SAFB: variants seen among roughly 807,000 people sequenced by gnomAD.
The protein encoded by SAFB is scaffold attachment factor B, also known as scaffold attachment factor B1.
SAFB carries 15 observed loss-of-function variants against 101.6 expected under a neutral mutation model. The ratio of observed to expected loss-of-function variants is 0.15; its 90% CI spans 0.10 to 0.23. SAFB has a LOEUF of 0.23. Among genes scored for constraint, SAFB ranks in the 10% least tolerant of loss-of-function variants. SAFB has a pLI of 1.00. For missense variants in SAFB, 930 were observed against 1,104.1 expected (o/e 0.84, Z 2.23); for synonymous variants, 449 against 407.5 (o/e 1.10, Z -1.23).
In SAFB at chr19:5,667,861, A is replaced by G. The variant is rs758005707; in HGVS notation, c.2599A>G (p.Met867Val). The G allele has an allele frequency of 1.2e-5, 20 of 1,610,834 alleles. No homozygotes were observed. In the East Asian group the frequency reaches 1.8e-4, roughly 14 times the overall value. ...GTCCGGTCACTCCGGGCCTGGCCAC[A>G]TGATGAACCGAGGAGGAATGTCAGG... ...SMSGHSGPGH[M>V]MNRGGMSGRG... is the part of the protein sequence containing the mutation. The change falls in exon 20 of 21, where the codon ATG (methionine) becomes GTG (valine). Residue 867 changes from methionine to valine, a missense_variant. By Grantham distance (21) the Met-to-Val change is conservative. Around this residue, in one of 7 missense-constraint regions of SAFB, gnomAD observed 318 missense variants for 342.6 expected, o/e 0.93. Transcript: ENST00000588852. The surrounding 1 kb of genome is among the most constrained non-coding windows in gnomAD (Gnocchi z 4.0).
chr19:5,627,178 T>C (rs2053383721), intron 2 of SAFB, among the ~76,000 whole-genome samples: 1 of 149,392 alleles, frequency 6.7e-6, no homozygotes, highest in Non-Finnish European at 1.5e-5. Flanking sequence ...CCAGTCTCTC[T>C]TAAAAAAAAG....
chr19:5,653,909 A>G, intron 11 of SAFB, 152 bp from the exon 12 acceptor site: 1 of 628,114 alleles, frequency 1.6e-6, no homozygotes, highest in Non-Finnish European at 2.8e-6. Flanking sequence ...AGCCATGCCC[A>G]TTTGTGGTTT....
chr19:5,642,052 G>A (rs1157021835), intron 4 of SAFB, 106 bp downstream of exon 4: 1 of 901,608 alleles, frequency 1.1e-6, no homozygotes, highest in Non-Finnish European at 1.8e-6. Flanking sequence ...TGTAATGCCA[G>A]TTCAGTAGAA....
chr19:5,625,563 TG>T (rs2053339864), intron 1 of SAFB, among the ~76,000 whole-genome samples: 1 of 152,220 alleles, frequency 6.6e-6, no homozygotes, highest in African/African-American at 2.4e-5. Flanking sequence ...CTCATGGGAC[TG>T]GAGAGTAAAG....
At chr19:5,664,940 A>C (rs1373544938) in intron 17 of SAFB, 1 of 158,272 alleles carries the variant, frequency 6.3e-6, no homozygotes, top group African/African-American at 2.4e-5. Context: ...GCACATTAGA[A>C]CAATAAGCTC....
chr19:5,664,356 CTCT>C (rs2054283183), intron 16 of SAFB, 38 bp from the exon 17 acceptor site: 1 of 1,577,370 alleles, frequency 6.3e-7, no homozygotes, highest in Non-Finnish European at 8.7e-7. Flanking sequence ...GTGAACAAGC[CTCT>C]TCTTCCCCTT....
chr19:5,633,410 T>C (rs1245272286), intron 2 of SAFB, among the ~76,000 whole-genome samples: 4 of 152,220 alleles, frequency 2.6e-5, no homozygotes, highest in African/African-American at 7.2e-5. Flanking sequence ...TCTCATCTTA[T>C]GCTTTTCCTG....
rs537589150 is a variant in SAFB, at chr19:5,643,963, T to G, written c.547-1374T>G. Among the ~76,000 whole-genome samples the G allele has an allele frequency of 3.3e-5, 5 of 152,332 alleles. No homozygotes were observed. The South Asian group carries it at 1.0e-3, about 32-fold the overall frequency. ...TCTGCTCCTCACTTGCAAGAGGTTT[T>G]CGGAAGATTCAATGGATGGATGTTT... On this transcript the variant is annotated intron_variant, in intron 4 of 20. Transcript: ENST00000588852.
chr19:5,663,833 G>A (rs1280203071), intron 15 of SAFB, among the ~76,000 whole-genome samples, 189 bp from the exon 16 acceptor site: 2 of 152,144 alleles, frequency 1.3e-5, no homozygotes, highest in Non-Finnish European at 2.9e-5. Flanking sequence ...AGGGGAGGTG[G>A]GTGCATGGGA....
intron 4 of SAFB, among the ~76,000 whole-genome samples, chr19:5,642,768 T>C (rs2053750793): frequency 2.0e-5 from 3 of 146,706 alleles, no homozygotes; most frequent in Admixed American, 1.4e-4. Context: ...GTTCAAGTGA[T>C]CTCCTCCCTC....
chr19:5,633,237 T>C (rs1019938961), intron 2 of SAFB, among the ~76,000 whole-genome samples: 1 of 152,250 alleles, frequency 6.6e-6, no homozygotes, highest in African/African-American at 2.4e-5. Context: ...CTGTGTGAAC[T>C]TAGATTATTT....
At chr19:5,629,431 A>C (rs2053440812) in intron 2 of SAFB, among the ~76,000 whole-genome samples, 1 of 152,088 alleles carries the variant, frequency 6.6e-6, no homozygotes, top group Admixed American at 6.6e-5. Flanking sequence ...GGGGGAAAAA[A>C]GTAAATATAT....
rs184004579 is a variant in SAFB, at chr19:5,659,405, G to A, written c.1862+2058G>A. 1.1e-3 allele frequency among the ~76,000 whole-genome samples: 165 copies of A among 151,124 alleles called. 2 individuals carry two copies. In the South Asian group the frequency reaches 0.023, roughly 21 times the overall value. On this transcript the variant is annotated intron_variant, in intron 14 of 20. Transcript: ENST00000588852. ...TTATTCCCTTTTTTTTTTCCGAGAC[G>A]GAATCTTGCTCTGTCTCCCAGGCTG...
chr19:5,656,254 A>T (rs1481227643), intron 13 of SAFB, among the ~76,000 whole-genome samples: 1 of 151,582 alleles, frequency 6.6e-6, no homozygotes, highest in Non-Finnish European at 1.5e-5. Flanking sequence ...TCATTTTTTT[A>T]TTTTATTATT....
chr19:5,640,699 C>T (rs537658015), intron 2 of SAFB, among the ~76,000 whole-genome samples: 2 of 152,220 alleles, frequency 1.3e-5, no homozygotes, highest in East Asian at 3.9e-4. Flanking sequence ...AAGCGATTTT[C>T]CTGCCTCCGC....
rs959679506 is a variant in SAFB at position 5,634,184 on chromosome 19, T to C, written c.275-7410T>C. On this transcript the variant is annotated intron_variant, in intron 2 of 20. Coordinates refer to ENST00000588852, the MANE Select transcript of SAFB (RefSeq NM_001201338.2). ...TTAGAGAAAAATTTCCTAGATGTGA[T>C]GACTTTTTAGCAGAGAAAATTTTCC... 2.6e-5 allele frequency among the ~76,000 whole-genome samples: 4 copies of C among 152,132 alleles called. No individual in the cohort carries two copies. The South Asian group carries it at 6.2e-4, about 24-fold the overall frequency.
intron 9 of SAFB, among the ~76,000 whole-genome samples, chr19:5,652,049 C>T (rs74174333): frequency 0.013 from 1,944 of 152,116 alleles, 12 homozygotes; most frequent in Non-Finnish European, 0.019. Flanking sequence ...AGAAATTAGC[C>T]GGGCGTGGTG....
At chr19:5,634,632 G>T (rs2053558230) in intron 2 of SAFB, among the ~76,000 whole-genome samples, 1 of 152,036 alleles carries the variant, frequency 6.6e-6, no homozygotes. Context: ...GAATAAGGAA[G>T]AAACTCATAT....
At chr19:5,625,502 A>G (rs577157509) in intron 1 of SAFB, among the ~76,000 whole-genome samples, 1 of 152,326 alleles carries the variant, frequency 6.6e-6, no homozygotes, top group South Asian at 2.1e-4. Context: ...GAGGCTTCCA[A>G]ACCTCTGCAG....
Sources: allele counts gnomAD v4.1 joint callset (sites outside exome capture counted in the v4.1 genomes callset), GRCh38; gene constraint gnomAD v4.1.1; regional missense constraint gnomAD v4.1.1; non-coding constraint Gnocchi (gnomAD v3.1); transcripts MANE v1.5; gene names NCBI Gene and HGNC (gene_info 2026-07-23, HGNC 2026-07-21).